The following METTL15 variants were observed in gnomAD, a reference collection of about 807,000 sequenced individuals.
METTL15 encodes the protein methyltransferase 15, mitochondrial 12S rRNA N4-cytidine, also known as 12S rRNA N(4)-cytidine methyltransferase METTL15.
A neutral mutation model predicts 38.3 loss-of-function variants in METTL15; 34 were observed. That is an observed-to-expected ratio of 0.89 (90% confidence interval 0.68 to 1.18). The LOEUF is 1.18. METTL15 is among the 50% of genes most tolerant of loss of function. The pLI is 0.00. For missense variants in METTL15, 438 were observed against 498.4 expected, an observed-to-expected ratio of 0.88 and a Z score of 1.15; for synonymous variants, 162 against 170.9, an observed-to-expected ratio of 0.95 and a Z score of 0.41.
chr11:28,398,376 G>A (rs920588677), intron 5 of METTL15, among the ~76,000 whole-genome samples: 1 of 151,980 alleles, frequency 6.6e-6, no homozygotes, highest in Non-Finnish European at 1.5e-5. Context: ...CATTCTAGCT[G>A]GCATGAGATG....
intron 6 of METTL15, among the ~76,000 whole-genome samples, chr11:28,453,713 C>T (rs1564935614): frequency 6.6e-6 from 1 of 152,212 alleles, no homozygotes; most frequent in African/African-American, 2.4e-5. Flanking sequence ...TATGCTTATT[C>T]ATGGGAATGG....
At chr11:28,136,719 C>T (rs1468040418) in intron 3 of METTL15, among the ~76,000 whole-genome samples, 1 of 151,958 alleles carries the variant, frequency 6.6e-6, no homozygotes, top group Non-Finnish European at 1.5e-5. Context: ...TCCTGTTTAC[C>T]TCTCTCTTGG....
chr11:28,270,356 A>G (rs1297338851), intron 4 of METTL15, among the ~76,000 whole-genome samples: 1 of 152,192 alleles, frequency 6.6e-6, no homozygotes, highest in Non-Finnish European at 1.5e-5. Flanking sequence ...CATGAATTTG[A>G]TAGGAGAACT....
intron 6 of METTL15, among the ~76,000 whole-genome samples, chr11:28,472,892 T>C (rs1851314585): frequency 6.6e-6 from 1 of 152,168 alleles, no homozygotes; most frequent in Non-Finnish European, 1.5e-5. Flanking sequence ...CAGTAGAAAA[T>C]GTAATTCCTT....
chr11:28,331,819 TTTA>T lies in METTL15; in HGVS notation c.*984_*986del, dbSNP rs1206005024. 1 of 152,232 alleles carries T rather than the reference TTTA, an allele frequency of 6.6e-6. No homozygotes were observed. The highest frequency in any genetic ancestry group is 2.4e-5 in the African/African-American group (1 of 41,472). The allele number at this position is 152,232 out of a possible 1,614,324, so 9.4% of individuals were successfully genotyped here. ...TTTTTATAGTAATATGTACTTCTAA[TTTA>T]TTATTTATACTTAAATTGTGACCTG... On this transcript the variant is annotated 3_prime_UTR_variant, in exon 7 of 7. Coordinates refer to ENST00000407364, the MANE Select transcript of METTL15 (RefSeq NM_001113528.2).
At chr11:28,388,005 T>C (rs1850458347) in intron 5 of METTL15, among the ~76,000 whole-genome samples, 1 of 151,612 alleles carries the variant, frequency 6.6e-6, no homozygotes, top group South Asian at 2.1e-4. Context: ...AACACACTTT[T>C]GTGATAAAAA....
At chr11:28,265,590 GTCAA>G (rs956499040) in intron 4 of METTL15, among the ~76,000 whole-genome samples, 3 of 151,824 alleles carry the variant, frequency 2.0e-5, no homozygotes, top group African/African-American at 4.8e-5. Flanking sequence ...CTTATATCAT[GTCAA>G]TCAATTTCAT....
chr11:28,431,808 G>GAAAAAAAAAAAAAAAAAAAAAAAAAAAA, intron 6 of METTL15, among the ~76,000 whole-genome samples: 1 of 87,076 alleles, frequency 1.1e-5, no homozygotes, highest in Non-Finnish European at 2.2e-5. Context: ...AAAAAAAAAA[G>GAAAAAAAAAAAAAAAAAAAAAAAAAAAA]AAAAAAAAAA....
chr11:28,172,887 T>C (rs745636118), intron 3 of METTL15, among the ~76,000 whole-genome samples: 11 of 152,188 alleles, frequency 7.2e-5, no homozygotes, highest in Non-Finnish European at 1.5e-4. Flanking sequence ...TCTCTCCTTT[T>C]GTTGGCTACT....
rs761351967 is a variant in METTL15 at position 28,240,864 on chromosome 11, C to T, written c.407+29666C>T. The stretch of plus-strand genomic sequence containing the variant: ...ATTAAAAAATTGAATAATGGATAAC[C>T]CTTTTAATCTTTTAGTTGTCTGATG... On this transcript the variant is annotated intron_variant, in intron 4 of 6. Coordinates refer to ENST00000407364, the MANE Select transcript of METTL15 (RefSeq NM_001113528.2). 4.0e-5 allele frequency among the ~76,000 whole-genome samples: 6 copies of T among 151,844 alleles called. No individual in the cohort carries two copies. In the South Asian group the frequency reaches 8.3e-4, roughly 21 times the overall value.
chr11:28,376,372 A>C (rs958714601), intron 5 of METTL15, among the ~76,000 whole-genome samples: 1 of 152,044 alleles, frequency 6.6e-6, no homozygotes, highest in African/African-American at 2.4e-5. Flanking sequence ...ATATATATTT[A>C]GGATAGTTAG....
intron 6 of METTL15, among the ~76,000 whole-genome samples, chr11:28,314,233 G>T (rs906099657): frequency 6.6e-6 from 1 of 152,196 alleles, no homozygotes. Context: ...AAGCTTATAT[G>T]TCAGTAGGAA....
At chr11:28,390,859 A>G (rs376238739) in intron 5 of METTL15, among the ~76,000 whole-genome samples, 75 of 152,098 alleles carry the variant, frequency 4.9e-4, no homozygotes, top group African/African-American at 1.6e-3. Context: ...TCCTACCCAT[A>G]AGCATGTAAT....
At chr11:28,151,109 A>T (rs1031533423) in intron 3 of METTL15, among the ~76,000 whole-genome samples, 1 of 151,720 alleles carries the variant, frequency 6.6e-6, no homozygotes, top group African/African-American at 2.4e-5. Context: ...TTTTCACATG[A>T]TAAATATTTG....
chr11:28,317,260 A>G (rs1221722960), intron 6 of METTL15, among the ~76,000 whole-genome samples: 3 of 152,192 alleles, frequency 2.0e-5, no homozygotes, highest in African/African-American at 4.8e-5. Flanking sequence ...CTCACTGAGT[A>G]AAGCCAATTT....
At chr11:28,245,595 T>C (rs2133912976) in intron 4 of METTL15, among the ~76,000 whole-genome samples, 1 of 152,332 alleles carries the variant, frequency 6.6e-6, no homozygotes, top group Non-Finnish European at 1.5e-5. Context: ...CTAACAGGCA[T>C]ATATATACCT....
chr11:28,294,800 T>G (rs567694635), intron 5 of METTL15, among the ~76,000 whole-genome samples: 145 of 152,286 alleles, frequency 9.5e-4, no homozygotes, highest in Non-Finnish European at 1.3e-3. Flanking sequence ...CTATGGAAAC[T>G]TCTATCATTG....
intron 5 of METTL15, among the ~76,000 whole-genome samples, chr11:28,390,863 A>G (rs1744379000): frequency 6.6e-6 from 1 of 152,196 alleles, no homozygotes; most frequent in Admixed American, 6.5e-5. Flanking sequence ...ACCCATAAGC[A>G]TGTAATGTTC....
At chr11:28,173,291 T>A (rs1436124505) in intron 3 of METTL15, among the ~76,000 whole-genome samples, 3 of 151,966 alleles carry the variant, frequency 2.0e-5, no homozygotes, top group African/African-American at 7.3e-5. Flanking sequence ...GGCATGAGGG[T>A]GAAGCAATCA....
Sources: gnomAD v4.1 joint callset for allele counts (sites outside exome capture counted in the v4.1 genomes callset) on GRCh38, gnomAD v4.1.1 for gene constraint, MANE v1.5 for transcripts, NCBI Gene and HGNC (gene_info 2026-07-23, HGNC 2026-07-21) for gene names.